Variants in TRIO observed in about 807,000 individuals in gnomAD.
The protein encoded by TRIO is trio Rho guanine nucleotide exchange factor.
A neutral mutation model predicts 351.9 loss-of-function variants in TRIO; 58 were observed. The ratio of observed to expected loss-of-function variants is 0.16; its 90% CI spans 0.13 to 0.21. The LOEUF (loss-of-function observed/expected upper bound fraction) is 0.21. TRIO is among the 10% of genes least tolerant of loss of function. The pLI is 1.00. For synonymous variants in TRIO, 1,758 were observed against 1,595.7 expected, an observed-to-expected ratio of 1.10 and a Z score of -2.42; for missense variants, 3,201 against 4,027.8, an observed-to-expected ratio of 0.79 and a Z score of 5.56.
intron 10 of TRIO, among the ~76,000 whole-genome samples, chr5:14,331,693 ATTTG>A (rs1042714179): frequency 3.2e-4 from 49 of 152,258 alleles, no homozygotes; most frequent in African/African-American, 1.2e-3. Flanking sequence ...GGGTTTCAGA[ATTTG>A]TTTTAGACAC....
At chr5:14,408,306 A>G (rs1235462075) in intron 33 of TRIO, among the ~76,000 whole-genome samples, 2 of 152,174 alleles carry the variant, frequency 1.3e-5, no homozygotes, top group South Asian at 2.1e-4. Context: ...TCCATTTTCA[A>G]TATCCTAGTT....
rs1741606972 is a variant in TRIO at position 14,338,210 on chromosome 5, C to T, written c.2046+1483C>T. The stretch of plus-strand genomic sequence containing the variant: ...TGGCACCGCTACCAGAGTAATTTTT[C>T]TGAAATAGAAATTTGACTAGGCCGT... On this transcript the variant is annotated intron_variant, in intron 11 of 56. Transcript: ENST00000344204. 2.0e-5 allele frequency among the ~76,000 whole-genome samples: 3 copies of T among 152,120 alleles called. No homozygotes were observed. In the South Asian group the frequency reaches 6.2e-4, roughly 32 times the overall value.
chr5:14,200,516 G>GA (rs747192660), intron 1 of TRIO, among the ~76,000 whole-genome samples: 4 of 152,230 alleles, frequency 2.6e-5, no homozygotes, highest in Non-Finnish European at 5.9e-5. Flanking sequence ...TCTAATACAT[G>GA]ATGGTGCATT....
chr5:14,471,609 A>G (rs1754694213), intron 38 of TRIO, 143 bp downstream of exon 38: 3 of 1,101,328 alleles, frequency 2.7e-6, no homozygotes, highest in East Asian at 2.5e-5. Flanking sequence ...CACGTATGTA[A>G]AAGACTCAGG....
chr5:14,375,821 A>T (rs1745511567), intron 19 of TRIO, among the ~76,000 whole-genome samples: 1 of 152,220 alleles, frequency 6.6e-6, no homozygotes, highest in East Asian at 1.9e-4. Context: ...ATTCATTTTC[A>T]TGTGCAATAT....
chr5:14,477,614 A>G (rs754519176), intron 41 of TRIO, among the ~76,000 whole-genome samples: 4 of 152,222 alleles, frequency 2.6e-5, no homozygotes, highest in Non-Finnish European at 5.9e-5. Flanking sequence ...CAAAAACTTG[A>G]CAGCTGATCA....
chr5:14,445,121 G>A (rs1307667275), intron 34 of TRIO, among the ~76,000 whole-genome samples: 2 of 152,076 alleles, frequency 1.3e-5, no homozygotes, highest in Non-Finnish European at 2.9e-5. Context: ...CTCAAAGTTG[G>A]CCTCAGGGAC....
chr5:14,440,602 G>T (rs568447244), intron 34 of TRIO, among the ~76,000 whole-genome samples: 1 of 152,256 alleles, frequency 6.6e-6, no homozygotes, highest in Non-Finnish European at 1.5e-5. Context: ...TTCTCTGGCT[G>T]CTTCCTGTGA....
At chr5:14,282,024 T>C (rs1022589556) in intron 3 of TRIO, among the ~76,000 whole-genome samples, 1 of 152,230 alleles carries the variant, frequency 6.6e-6, no homozygotes, top group African/African-American at 2.4e-5. Flanking sequence ...CAATCAGCTT[T>C]TGGTCTTGAT....
intron 1 of TRIO, among the ~76,000 whole-genome samples, chr5:14,226,387 C>G (rs1284461708): frequency 6.6e-6 from 1 of 152,154 alleles, no homozygotes; most frequent in Non-Finnish European, 1.5e-5. Flanking sequence ...GGTTGAAAAC[C>G]AGGGTGTTGC....
At chr5:14,332,736 G>A (rs1474103435) in intron 10 of TRIO, among the ~76,000 whole-genome samples, 1 of 152,074 alleles carries the variant, frequency 6.6e-6, no homozygotes, top group African/African-American at 2.4e-5. Flanking sequence ...CTTTCTGATT[G>A]CAAGACAGTG....
At chr5:14,378,968 T>A (rs371781488) in intron 20 of TRIO, among the ~76,000 whole-genome samples, 1 of 152,230 alleles carries the variant, frequency 6.6e-6, no homozygotes, top group Non-Finnish European at 1.5e-5. Context: ...TCTGCCTGTA[T>A]CATCAGTCAT....
At chr5:14,356,236 G>A (rs971290285) in intron 11 of TRIO, among the ~76,000 whole-genome samples, 1 of 152,162 alleles carries the variant, frequency 6.6e-6, no homozygotes, top group African/African-American at 2.4e-5. Context: ...ACAAATTGTA[G>A]TATGGAATTG....
intron 1 of TRIO, among the ~76,000 whole-genome samples, chr5:14,213,025 C>T (rs990198123): frequency 2.0e-5 from 3 of 152,168 alleles, no homozygotes; most frequent in South Asian, 2.1e-4. Flanking sequence ...TTGAACAACA[C>T]GGACAAAGTA....
intron 33 of TRIO, among the ~76,000 whole-genome samples, chr5:14,418,109 A>T (rs1219416962): frequency 1.3e-5 from 2 of 152,188 alleles, no homozygotes; most frequent in Non-Finnish European, 2.9e-5. Flanking sequence ...GCCATGGAGG[A>T]CAGGCACGAG....
intron 1 of TRIO, among the ~76,000 whole-genome samples, chr5:14,171,781 G>C (rs1789108606): frequency 6.6e-6 from 1 of 152,150 alleles, no homozygotes; most frequent in Admixed American, 6.5e-5. Context: ...GAAGGAGCGG[G>C]GTGGGGGGAT....
chr5:14,397,556 A>G (rs1169350815), intron 29 of TRIO, among the ~76,000 whole-genome samples: 2 of 152,248 alleles, frequency 1.3e-5, no homozygotes, highest in African/African-American at 2.4e-5. Context: ...AGCCTGGAAC[A>G]TAGTAGGCAC....
chr5:14,344,509 T>C, intron 11 of TRIO, among the ~76,000 whole-genome samples: 1 of 152,204 alleles, frequency 6.6e-6, no homozygotes, highest in East Asian at 1.9e-4. Flanking sequence ...CAATATAGGA[T>C]AATACAATCT....
intron 19 of TRIO, among the ~76,000 whole-genome samples, chr5:14,374,999 G>GA (rs934534969): frequency 6.6e-6 from 1 of 151,792 alleles, no homozygotes; most frequent in African/African-American, 2.4e-5. Context: ...AGTTTTATAG[G>GA]AAAAAAAATT....
Sources: gnomAD v4.1 joint callset for allele counts (sites outside exome capture counted in the v4.1 genomes callset) on GRCh38, gnomAD v4.1.1 for gene constraint, MANE v1.5 for transcripts, NCBI Gene and HGNC (gene_info 2026-07-23, HGNC 2026-07-21) for gene names.